DLG2: variants seen among roughly 807,000 people sequenced by gnomAD.
DLG2 encodes discs large MAGUK scaffold protein 2.
DLG2 carries 45 observed loss-of-function variants against 132.5 expected under a neutral mutation model. That is an observed-to-expected ratio of 0.34 (90% CI 0.27 to 0.44). DLG2 has a LOEUF of 0.44. Among genes scored for constraint, DLG2 ranks in the 20% least tolerant of loss-of-function variants. The probability of loss-of-function intolerance (pLI) is 1.00; values close to 1 mark genes in which losing one functional copy is unlikely to be tolerated. For missense variants in DLG2, 1,045 were observed against 1,196.9 expected, an observed-to-expected ratio of 0.87 and a Z score of 1.87; for synonymous variants, 424 against 419.6, an observed-to-expected ratio of 1.01 and a Z score of -0.13.
intron 18 of DLG2, among the ~76,000 whole-genome samples, chr11:83,753,162 C>T (rs527845068): frequency 9.7e-4 from 148 of 152,306 alleles, no homozygotes; most frequent in Middle Eastern, 6.8e-3. Flanking sequence ...GTGGCTCACA[C>T]CTGTGATCCA....
At chr11:83,486,067 G>C (rs1037821505) in intron 21 of DLG2, 1 of 489,050 alleles carries the variant, frequency 2.0e-6, no homozygotes, top group African/African-American at 2.0e-5. Context: ...TCTGCTGACA[G>C]CACCTATGTT....
At chr11:84,971,269 G>T (rs1183075005) in intron 6 of DLG2, among the ~76,000 whole-genome samples, 9 of 152,296 alleles carry the variant, frequency 5.9e-5, no homozygotes, top group African/African-American at 1.7e-4. Flanking sequence ...GAAAATTTTA[G>T]CTATGCTTAG....
intron 16 of DLG2, among the ~76,000 whole-genome samples, chr11:83,860,888 A>G (rs1042237562): frequency 2.6e-5 from 4 of 152,094 alleles, no homozygotes; most frequent in African/African-American, 4.8e-5. Context: ...ATGAGATCTG[A>G]TGGTTTTAAA....
At chr11:85,605,166 C>T (rs1283617615) in intron 2 of DLG2, among the ~76,000 whole-genome samples, 1 of 152,188 alleles carries the variant, frequency 6.6e-6, no homozygotes, top group Non-Finnish European at 1.5e-5. Context: ...ATTCTCACCA[C>T]TGAGAAGTCA....
intron 3 of DLG2, among the ~76,000 whole-genome samples, chr11:85,292,949 G>C (rs2079005261): frequency 6.6e-6 from 1 of 151,970 alleles, no homozygotes; most frequent in African/African-American, 2.4e-5. Context: ...AAAAATCACA[G>C]GATCATATCA....
At chr11:84,431,215 T>TAC (rs2098983700) in intron 7 of DLG2, among the ~76,000 whole-genome samples, 1 of 152,194 alleles carries the variant, frequency 6.6e-6, no homozygotes, top group African/African-American at 2.4e-5. Context: ...AACATATATA[T>TAC]ACACACACAA....
At chr11:84,959,534 C>T (rs918013216) in intron 6 of DLG2, among the ~76,000 whole-genome samples, 1 of 152,186 alleles carries the variant, frequency 6.6e-6, no homozygotes, top group Admixed American at 6.5e-5. Flanking sequence ...TTATTGGATA[C>T]AAGACCTCAG....
chr11:84,078,291 A>G (rs2096855562), intron 10 of DLG2, among the ~76,000 whole-genome samples: 1 of 152,194 alleles, frequency 6.6e-6, no homozygotes, highest in African/African-American at 2.4e-5. Flanking sequence ...AATTCCTTCC[A>G]AGTTATATGC....
chr11:85,418,032 G>A (rs1235670081), intron 3 of DLG2, among the ~76,000 whole-genome samples: 1 of 151,884 alleles, frequency 6.6e-6, no homozygotes, highest in Non-Finnish European at 1.5e-5. Context: ...GAGATGTTAG[G>A]GTGTCGATTT....
intron 10 of DLG2, among the ~76,000 whole-genome samples, chr11:84,083,261 C>T (rs1475119245): frequency 6.6e-6 from 1 of 152,122 alleles, no homozygotes; most frequent in Non-Finnish European, 1.5e-5. Flanking sequence ...GCCTGGGCAA[C>T]AGAGCAAGAC....
chr11:84,767,082 T>C (rs2068528637), intron 6 of DLG2, among the ~76,000 whole-genome samples: 1 of 152,040 alleles, frequency 6.6e-6, no homozygotes, highest in Non-Finnish European at 1.5e-5. Flanking sequence ...TTTTCTTATC[T>C]TTAAAAGAGG....
At chr11:85,359,030 A>G (rs954936915) in intron 3 of DLG2, among the ~76,000 whole-genome samples, 3 of 152,356 alleles carry the variant, frequency 2.0e-5, no homozygotes, top group Non-Finnish European at 4.4e-5. Flanking sequence ...AAAAACCTCC[A>G]GGAATGCAAT....
At chr11:85,224,080 T>A (rs896105917) in intron 4 of DLG2, among the ~76,000 whole-genome samples, 13 of 152,212 alleles carry the variant, frequency 8.5e-5, no homozygotes, top group African/African-American at 3.1e-4. Context: ...TTAGTTTTAT[T>A]CTGATTATTA....
At chr11:84,677,549 G>C (rs1336944344) in intron 6 of DLG2, among the ~76,000 whole-genome samples, 1 of 151,928 alleles carries the variant, frequency 6.6e-6, no homozygotes, top group Non-Finnish European at 1.5e-5. Flanking sequence ...ATTCTAACTT[G>C]ACACAGATCA....
At chr11:84,990,879 C>G (rs868466407) in intron 6 of DLG2, among the ~76,000 whole-genome samples, 3 of 152,072 alleles carry the variant, frequency 2.0e-5, no homozygotes, top group Middle Eastern at 6.8e-3. Context: ...GTTATTTATC[C>G]CAGGTAAATG....
chr11:84,347,892 T>C (rs188601211), intron 7 of DLG2, among the ~76,000 whole-genome samples: 80 of 152,340 alleles, frequency 5.3e-4, no homozygotes, highest in African/African-American at 1.9e-3. Flanking sequence ...CATAAGGGTT[T>C]ATGAGTCTTT....
At chr11:83,663,149 G>A (rs1029928701) in intron 18 of DLG2, among the ~76,000 whole-genome samples, 2 of 152,134 alleles carry the variant, frequency 1.3e-5, no homozygotes. Flanking sequence ...TTAAATAATT[G>A]AGTAAACAAC....
intron 6 of DLG2, among the ~76,000 whole-genome samples, chr11:84,956,463 C>T (rs567519839): frequency 1.1e-4 from 17 of 152,154 alleles, no homozygotes; most frequent in African/African-American, 1.9e-4. Context: ...GAGCCTAAGT[C>T]GGCTACATAT....
At chr11:83,633,022 C>T in intron 19 of DLG2, 189 bp downstream of exon 19, 1 of 556,784 alleles carries the variant, frequency 1.8e-6, no homozygotes, top group East Asian at 2.9e-5. Flanking sequence ...AAAGCAGGCA[C>T]CTTTAACTAA....
Sources: allele counts gnomAD v4.1 joint callset (sites outside exome capture counted in the v4.1 genomes callset), GRCh38; gene constraint gnomAD v4.1.1; transcripts MANE v1.5; gene names NCBI Gene and HGNC (gene_info 2026-07-23, HGNC 2026-07-21).